Variants in DNAH6 observed in about 807,000 individuals in gnomAD.
DNAH6 encodes the protein dynein axonemal heavy chain 6, also known as axonemal beta dynein heavy chain 6.
Under a neutral mutation model 491.4 loss-of-function variants are expected in DNAH6, and 340 were observed. The ratio of observed to expected loss-of-function variants is 0.69; its 90% confidence interval spans 0.63 to 0.76. The LOEUF (loss-of-function observed/expected upper bound fraction) is 0.76. DNAH6 is among the 30% of genes least tolerant of loss of function. The pLI is 0.00. For synonymous variants in DNAH6, 1,603 were observed against 1,686.1 expected (o/e 0.95, Z 1.21); for missense variants, 4,443 against 4,972.2 (o/e 0.89, Z 3.20).
chr2:84,710,473 C>G, intron 56 of DNAH6, 61 bp downstream of exon 56: 1 of 1,495,670 alleles, frequency 6.7e-7, no homozygotes, highest in Non-Finnish European at 9.1e-7. Flanking sequence ...ATCTGGAATC[C>G]TATATAGGCC....
chr2:84,594,049 C>T lies in DNAH6; in HGVS notation c.2688C>T (p.Phe896=), dbSNP rs1684348135. 6.5e-7 allele frequency: 1 copy of T among 1,550,234 alleles called. No homozygotes were observed. Among genetic ancestry groups the T allele is most frequent in the Admixed American group, 2.0e-5 (1 of 50,952 alleles). The change falls in exon 17 of 77, where the codon TTC becomes TTT. Residue 896 remains phenylalanine, a synonymous_variant. Transcript: ENST00000389394. ...LKLKQLLWDS[F]SEWDKLQQEW... is the part of the protein sequence containing the mutation. The stretch of plus-strand genomic sequence containing the variant: ...TCAAACAATTGCTCTGGGATTCTTT[C>T]TCTGAATGGGATAAACTCCAACAAG...
At chr2:84,571,866 C>T (rs544612222) in intron 11 of DNAH6, among the ~76,000 whole-genome samples, 5 of 151,460 alleles carry the variant, frequency 3.3e-5, no homozygotes, top group East Asian at 1.9e-4. Context: ...TGCAGCAAGC[C>T]GAGATGGCAC....
At chr2:84,484,524 CT>C in the DNAH6 span, among the ~76,000 whole-genome samples, 48 of 152,280 alleles carry the variant, frequency 3.2e-4, no homozygotes, top group African/African-American at 1.2e-3. Flanking sequence ...GGGAAAGTTT[CT>C]TCCTTTGCCT....
chr2:84,649,616 C>A (rs973303207), intron 33 of DNAH6, among the ~76,000 whole-genome samples: 1 of 152,066 alleles, frequency 6.6e-6, no homozygotes. Flanking sequence ...CCCAGGTACA[C>A]CATGAAATTC....
intron 63 of DNAH6, among the ~76,000 whole-genome samples, chr2:84,747,808 T>A (rs1177253097): frequency 6.6e-6 from 1 of 152,152 alleles, no homozygotes; most frequent in East Asian, 1.9e-4. Flanking sequence ...CAATATAAAA[T>A]CTAGGTGGAT....
chr2:84,701,716 G>C (rs1229682696), intron 49 of DNAH6, among the ~76,000 whole-genome samples: 1 of 152,116 alleles, frequency 6.6e-6, no homozygotes. Context: ...CTATCATGAT[G>C]ACAGCACCAA....
chr2:84,640,332 G>A lies in DNAH6; in HGVS notation c.4822-98G>A, dbSNP rs182238990. ...ATTAAAAGACATAACAACTTGGAAA[G>A]TATAATGTTTAGAGTCAATTTTGAC... is the stretch of plus-strand genomic sequence containing the variant. On this transcript the variant is annotated intron_variant, in intron 31 of 76. Transcript: ENST00000389394. 1.3e-3 allele frequency: 998 copies of A among 772,814 alleles called. 23 individuals are homozygous for A. The East Asian group carries it at 0.029, about 22-fold the overall frequency. 47.9% of individuals were successfully genotyped at this position (772,814 alleles called of 1,614,324 possible).
chr2:84,470,958 G>T, the DNAH6 span, among the ~76,000 whole-genome samples: 14 of 152,090 alleles, frequency 9.2e-5, no homozygotes, highest in African/African-American at 3.1e-4. Flanking sequence ...GAGAATGTGG[G>T]GGTCAAAAGG....
chr2:84,543,662 A>G (rs930116990), intron 4 of DNAH6, among the ~76,000 whole-genome samples: 2 of 151,890 alleles, frequency 1.3e-5, no homozygotes, highest in South Asian at 2.1e-4. Context: ...TCTTTTCTTT[A>G]CTTGATCAGT....
chr2:84,632,326 G>T (rs755885561), intron 29 of DNAH6, among the ~76,000 whole-genome samples: 38 of 152,148 alleles, frequency 2.5e-4, no homozygotes, highest in Non-Finnish European at 1.0e-4. Flanking sequence ...CAAGTCACCA[G>T]CCGTGTCAGG....
At chr2:84,670,543 G>C (rs1175257999) in intron 39 of DNAH6, 68 bp downstream of exon 39, 1 of 1,070,972 alleles carries the variant, frequency 9.3e-7, no homozygotes, top group Non-Finnish European at 1.3e-6. Flanking sequence ...CATAAATAGT[G>C]CATGTAATAA....
At chr2:84,784,094 G>A (rs1412206629) in intron 65 of DNAH6, among the ~76,000 whole-genome samples, 1 of 152,200 alleles carries the variant, frequency 6.6e-6, no homozygotes, top group African/African-American at 2.4e-5. Flanking sequence ...CTTGAATGAT[G>A]CCTGTGTCTT....
intron 18 of DNAH6, among the ~76,000 whole-genome samples, chr2:84,603,854 A>G (rs1344486044): frequency 3.3e-5 from 5 of 152,182 alleles, no homozygotes; most frequent in African/African-American, 9.7e-5. Flanking sequence ...TGGAGCTACT[A>G]TAATGGACGC....
chr2:84,780,291 A>G (rs1332747868), intron 64 of DNAH6, among the ~76,000 whole-genome samples: 1 of 152,054 alleles, frequency 6.6e-6, no homozygotes, highest in Non-Finnish European at 1.5e-5. Context: ...GGTTTTATCT[A>G]TTTGCATAAT....
At chr2:84,781,937 T>C (rs1044111212) in intron 65 of DNAH6, among the ~76,000 whole-genome samples, 3 of 152,138 alleles carry the variant, frequency 2.0e-5, no homozygotes, top group African/African-American at 7.2e-5. Context: ...ATAGGCATAA[T>C]AAAAAGAAAA....
intron 56 of DNAH6, 94 bp downstream of exon 56, chr2:84,710,506 A>G: frequency 8.0e-7 from 1 of 1,242,308 alleles, no homozygotes; most frequent in East Asian, 2.6e-5. Flanking sequence ...TGCTAAAGAC[A>G]CCAGTCAACT....
chr2:84,717,434 G>A (rs1697647201), intron 58 of DNAH6, among the ~76,000 whole-genome samples: 1 of 152,150 alleles, frequency 6.6e-6, no homozygotes. Context: ...TAGTAACAGT[G>A]CATGCTCTGG....
intron 15 of DNAH6, among the ~76,000 whole-genome samples, chr2:84,585,218 G>A (rs1318315989): frequency 6.6e-6 from 1 of 152,168 alleles, no homozygotes; most frequent in African/African-American, 2.4e-5. Context: ...TTATCTGAAA[G>A]TAAACACATC....
chr2:84,782,944 C>A (rs563181949), intron 65 of DNAH6, among the ~76,000 whole-genome samples: 1 of 152,146 alleles, frequency 6.6e-6, no homozygotes, highest in South Asian at 2.1e-4. Context: ...GAGACTGGAT[C>A]GGCTAATGAA....
Sources: gnomAD v4.1 joint callset for allele counts (sites outside exome capture counted in the v4.1 genomes callset) on GRCh38, gnomAD v4.1.1 for gene constraint, MANE v1.5 for transcripts, NCBI Gene and HGNC (gene_info 2026-07-23, HGNC 2026-07-21) for gene names.